Variants in ANO1 observed in about 807,000 individuals in gnomAD.
The protein encoded by ANO1 is anoctamin-1.
In ANO1, 59 loss-of-function variants were observed where a neutral mutation model predicts 124.0. The observed-to-expected ratio is 0.48, with a 90% CI of 0.39 to 0.59. The LOEUF is 0.59. ANO1 is among the 20% of genes least tolerant of loss of function. The pLI is 0.00. For synonymous variants in ANO1, 529 were observed against 532.0 expected (o/e 0.99, Z 0.08); for missense variants, 1,059 against 1,328.0 (o/e 0.80, Z 3.15).
chr11:70,160,150 C>T (rs895517614), intron 16 of ANO1, among the ~76,000 whole-genome samples: 2 of 152,154 alleles, frequency 1.3e-5, no homozygotes, highest in African/African-American at 2.4e-5. Context: ...CAGCAGGGAC[C>T]GGACCTGCCC....
At chr11:70,148,909 G>C (rs1291421785) in intron 11 of ANO1, among the ~76,000 whole-genome samples, 1 of 152,246 alleles carries the variant, frequency 6.6e-6, no homozygotes, top group Non-Finnish European at 1.5e-5. Flanking sequence ...CCCGAGAGGA[G>C]CTGGGTTTTT....
intron 1 of ANO1, among the ~76,000 whole-genome samples, chr11:70,053,365 G>A (rs1188904551): frequency 6.6e-6 from 1 of 152,134 alleles, no homozygotes; most frequent in African/African-American, 2.4e-5. Flanking sequence ...CAACATCAGG[G>A]TACAGCTTTC....
chr11:69,967,552 C>T, the ANO1 span, among the ~76,000 whole-genome samples: 105 of 152,330 alleles, frequency 6.9e-4, no homozygotes, highest in Middle Eastern at 6.8e-3. Context: ...CATCAGTAAG[C>T]GGGGCTGATA....
chr11:70,087,433 G>C (rs1050761605), intron 1 of ANO1, among the ~76,000 whole-genome samples: 1 of 152,178 alleles, frequency 6.6e-6, no homozygotes, highest in African/African-American at 2.4e-5. Context: ...AAGCAGCCAG[G>C]GAGGTTCCTG....
intron 1 of ANO1, among the ~76,000 whole-genome samples, chr11:70,048,475 G>T (rs1198291881): frequency 2.6e-5 from 4 of 152,078 alleles, no homozygotes; most frequent in African/African-American, 4.8e-5. Context: ...AGGCAATGGG[G>T]GGGTGGTGTG....
chr11:70,061,098 C>A (rs1022918720), intron 1 of ANO1, among the ~76,000 whole-genome samples: 22 of 152,034 alleles, frequency 1.4e-4, no homozygotes, highest in African/African-American at 4.8e-4. Context: ...GGGACATTAA[C>A]TGAACGTGCA....
intron 2 of ANO1, among the ~76,000 whole-genome samples, chr11:70,097,148 G>C (rs2045017145): frequency 1.3e-5 from 2 of 152,246 alleles, no homozygotes; most frequent in South Asian, 4.1e-4. Flanking sequence ...TCTTTAACAA[G>C]ACATCACTGA....
intron 6 of ANO1, among the ~76,000 whole-genome samples, chr11:70,108,920 A>C (rs986425568): frequency 1.3e-5 from 2 of 152,234 alleles, no homozygotes; most frequent in Non-Finnish European, 2.9e-5. Context: ...TCTGGGTACC[A>C]GTTTCCAGAA....
chr11:70,148,927 T>C (rs1194414746), intron 11 of ANO1, among the ~76,000 whole-genome samples: 1 of 152,086 alleles, frequency 6.6e-6, no homozygotes, highest in Non-Finnish European at 1.5e-5. Context: ...TTTCTCACAT[T>C]GAGGGGGATG....
rs973838365 is a variant in ANO1, at chr11:70,137,463, C to T, written c.1258+5384C>T. On this transcript the variant is annotated intron_variant, in intron 11 of 25. Coordinates refer to ENST00000355303, the MANE Select transcript of ANO1 (RefSeq NM_018043.7). The stretch of plus-strand genomic sequence containing the variant: ...GCTGTCTGCTGCTCCTTCCCTCCCT[C>T]GCCTTCCTAGAGACCTCAGCACCGG... 6.5e-5 allele frequency among the ~76,000 whole-genome samples: 9 copies of T among 137,854 alleles called. 1 individual carries two copies. In the East Asian group the frequency reaches 1.5e-3, roughly 24 times the overall value. 90.4% of individuals were successfully genotyped at this position (137,854 alleles called of 152,430 possible).
intron 22 of ANO1, among the ~76,000 whole-genome samples, chr11:70,174,510 T>C (rs1452195674): frequency 1.3e-5 from 2 of 152,202 alleles, no homozygotes; most frequent in African/African-American, 2.4e-5. Flanking sequence ...CAAGGCGAGA[T>C]TGCACCCCAA....
chr11:69,980,237 G>T, the ANO1 span, among the ~76,000 whole-genome samples: 1 of 152,166 alleles, frequency 6.6e-6, no homozygotes, highest in African/African-American at 2.4e-5. Context: ...CACAGAGACA[G>T]AAACTAGAAT....
At chr11:70,169,812 C>A (rs898269538) in intron 21 of ANO1, among the ~76,000 whole-genome samples, 5 of 152,196 alleles carry the variant, frequency 3.3e-5, no homozygotes, top group Non-Finnish European at 2.9e-5. Context: ...ACCCCACATG[C>A]TAACAATGCC....
At chr11:70,180,980 G>A (rs2048907481) in intron 23 of ANO1, among the ~76,000 whole-genome samples, 1 of 152,082 alleles carries the variant, frequency 6.6e-6, no homozygotes, top group Non-Finnish European at 1.5e-5. Flanking sequence ...TGCAGGCTAG[G>A]ATGGCCCGGC....
intron 1 of ANO1, among the ~76,000 whole-genome samples, chr11:70,049,555 G>A (rs143332665): frequency 1.7e-4 from 25 of 151,370 alleles, no homozygotes; most frequent in African/African-American, 5.8e-4. Context: ...TCCAGGAGCT[G>A]TTATGGGCAA....
intron 2 of ANO1, among the ~76,000 whole-genome samples, chr11:70,094,842 A>G (rs934252862): frequency 6.6e-6 from 1 of 152,168 alleles, no homozygotes; most frequent in Non-Finnish European, 1.5e-5. Flanking sequence ...CGCGAAACAG[A>G]TTGGATGACT....
At chr11:70,023,476 C>T (rs1024008532) in intron 1 of ANO1, among the ~76,000 whole-genome samples, 6 of 152,146 alleles carry the variant, frequency 3.9e-5, no homozygotes, top group African/African-American at 1.4e-4. Flanking sequence ...ATAGCCTTCC[C>T]CAAATGTAGA....
At chr11:69,988,989 G>T (rs1554997172) in intron 1 of ANO1, among the ~76,000 whole-genome samples, 1 of 151,634 alleles carries the variant, frequency 6.6e-6, no homozygotes, top group African/African-American at 2.4e-5. Flanking sequence ...GGGAAGTAGG[G>T]AGGGAGGTAG....
chr11:69,968,622 C>T, the ANO1 span, among the ~76,000 whole-genome samples: 11 of 152,184 alleles, frequency 7.2e-5, no homozygotes, highest in Admixed American at 4.6e-4. Context: ...CGGTGGCCCC[C>T]GATGGCCCTG....
Sources: gnomAD v4.1 joint callset for allele counts (sites outside exome capture counted in the v4.1 genomes callset) on GRCh38, gnomAD v4.1.1 for gene constraint, MANE v1.5 for transcripts, NCBI Gene and HGNC (gene_info 2026-07-23, HGNC 2026-07-21) for gene names.